The following STON1 variants were observed in gnomAD, a reference collection of about 807,000 sequenced individuals.
STON1 encodes stonin-1.
STON1 carries 79 observed loss-of-function variants against 60.9 expected under a neutral mutation model. The observed-to-expected ratio is 1.30, with a 90% CI of 1.08 to 1.56. The LOEUF (loss-of-function observed/expected upper bound fraction) is 1.56, where lower values mean the gene tolerates loss of function less well. STON1 is among the 40% of genes most tolerant of loss of function. The pLI is 0.00. For missense variants in STON1, 1,166 were observed against 858.9 expected, an observed-to-expected ratio of 1.36 and a Z score of -4.47; for synonymous variants, 363 against 306.9, an observed-to-expected ratio of 1.18 and a Z score of -1.91.
chr2:48,557,813 A>T (rs951946220), intron 1 of STON1, among the ~76,000 whole-genome samples: 2 of 152,218 alleles, frequency 1.3e-5, no homozygotes, highest in Non-Finnish European at 2.9e-5. Context: ...CTCCCCATAG[A>T]CTTGGAGACT....
intron 1 of STON1, among the ~76,000 whole-genome samples, chr2:48,574,267 T>C (rs1045396412): frequency 6.6e-6 from 1 of 151,826 alleles, no homozygotes; most frequent in Non-Finnish European, 1.5e-5. Flanking sequence ...TCCCAGCTAC[T>C]TGGGAGGCTG....
In STON1 at chr2:48,564,650, T is replaced by C. The variant is rs13034659; in HGVS notation, c.-47-15937T>C. ...TCCTTCTCTTTCTCCTTCTCCTTCTTCTTCTTCTTTCTTATTTCTTCTTCT... is the reference window on the plus strand; with the variant it reads ...TCCTTCTCTTTCTCCTTCTCCTTCTCCTTCTTCTTTCTTATTTCTTCTTCT... On this transcript the variant is annotated intron_variant, in intron 1 of 3. Transcript: ENST00000404752. 2.9e-4 allele frequency among the ~76,000 whole-genome samples: 19 copies of C among 66,394 alleles called. 4 individuals are homozygous for C. Among genetic ancestry groups the C allele is most frequent in the East Asian group, 1.7e-3 (3 of 1,804 alleles). 43.6% of individuals were successfully genotyped at this position (66,394 alleles called of 152,430 possible). A position where few individuals can be genotyped will look rare whatever the true frequency, so the allele number is the denominator to read the frequency against.
chr2:48,590,043 C>T (rs13429116), intron 2 of STON1, among the ~76,000 whole-genome samples: 9,203 of 152,218 alleles, frequency 0.06, 711 homozygotes, highest in African/African-American at 0.18. Context: ...CTAGCCTTAA[C>T]CACTTTGCCA....
chr2:48,578,660 C>T (rs1206692279), intron 1 of STON1, among the ~76,000 whole-genome samples: 4 of 137,060 alleles, frequency 2.9e-5, no homozygotes, highest in Middle Eastern at 4.0e-3. Flanking sequence ...GCAATCTCAG[C>T]TCACTGCAAC....
At chr2:48,585,257 T>C (rs13007572) in intron 2 of STON1, among the ~76,000 whole-genome samples, 1 of 149,506 alleles carries the variant, frequency 6.7e-6, no homozygotes, top group Non-Finnish European at 1.5e-5. Context: ...TCTTTTTTTT[T>C]CTTTTTTTGG....
At chr2:48,539,733 A>T (rs939512671) in intron 1 of STON1, among the ~76,000 whole-genome samples, 5 of 152,040 alleles carry the variant, frequency 3.3e-5, no homozygotes, top group African/African-American at 1.2e-4. Flanking sequence ...TCAGCTTTCT[A>T]AAGTGCTGGG....
chr2:48,564,414 T>TTCTTCTTCC lies in STON1; in HGVS notation c.-47-16165_-47-16164insCTCTTCTTC, dbSNP rs1491087236. ...CAGTGGCAGTGGCGGTGTCTTCTTC[T>TTCTTCTTCC]TCTTCTTCTTCTTCTTCTTCTTCTT... On this transcript the variant is annotated intron_variant, in intron 1 of 3. Transcript: ENST00000404752. Among the ~76,000 whole-genome samples, 125 of 69,614 alleles carry TTCTTCTTCC rather than the reference T, an allele frequency of 1.8e-3. 1 individual carries two copies. The highest frequency in any genetic ancestry group is 2.4e-3 in the Non-Finnish European group (76 of 31,150). 45.7% of individuals were successfully genotyped at this position (69,614 alleles called of 152,430 possible).
In STON1 at chr2:48,575,779, A is replaced by G. The variant is rs1222591158; in HGVS notation, c.-47-4808A>G. On this transcript the variant is annotated intron_variant, in intron 1 of 3. Coordinates refer to ENST00000404752, the MANE Select transcript of STON1 (RefSeq NM_006873.4). ...TGTTTGTTTTTTTTTTTTTTTTGAG[A>G]TGCAGTTTTGCTCTTGTTGCCCAGG... Among the ~76,000 whole-genome samples the G allele has an allele frequency of 8.9e-4, 89 of 100,220 alleles. 3 individuals carry two copies. The East Asian group carries it at 0.028, about 31-fold the overall frequency. 65.7% of individuals were successfully genotyped at this position (100,220 alleles called of 152,430 possible). A position where few individuals can be genotyped will look rare whatever the true frequency, so the allele number is the denominator to read the frequency against.
At chr2:48,554,278 A>G (rs548510435) in intron 1 of STON1, among the ~76,000 whole-genome samples, 7 of 152,198 alleles carry the variant, frequency 4.6e-5, no homozygotes, top group South Asian at 4.1e-4. Flanking sequence ...CTGGAGGGCA[A>G]TGACACAATC....
chr2:48,569,827 G>A (rs6761796), intron 1 of STON1, among the ~76,000 whole-genome samples: 94,664 of 152,060 alleles, frequency 0.62, 29,854 homozygotes, highest in Non-Finnish European at 0.65. Flanking sequence ...GGATTTTGGA[G>A]TATTTGCATC....
At chr2:48,534,659 C>G (rs1472915168) in intron 1 of STON1, among the ~76,000 whole-genome samples, 1 of 152,038 alleles carries the variant, frequency 6.6e-6, no homozygotes, top group Non-Finnish European at 1.5e-5. Context: ...TTGCACATGC[C>G]TGAGTCCCAA....
intron 1 of STON1, among the ~76,000 whole-genome samples, chr2:48,543,292 G>A (rs370217638): frequency 4.0e-5 from 6 of 151,848 alleles, no homozygotes; most frequent in African/African-American, 1.2e-4. Context: ...GATATTTTTG[G>A]TAATCAATTT....
chr2:48,537,060 AC>A (rs1671459977), intron 1 of STON1, among the ~76,000 whole-genome samples: 1 of 152,202 alleles, frequency 6.6e-6, no homozygotes, highest in South Asian at 2.1e-4. Flanking sequence ...CAATCATAAA[AC>A]AACGATAATT....
intron 1 of STON1, among the ~76,000 whole-genome samples, chr2:48,553,888 C>T (rs1363125240): frequency 6.6e-6 from 1 of 152,210 alleles, no homozygotes; most frequent in Non-Finnish European, 1.5e-5. Context: ...CTTACAAAGG[C>T]AGAGAGAAGC....
chr2:48,541,098 C>G (rs1029402325), intron 1 of STON1, among the ~76,000 whole-genome samples: 5 of 152,120 alleles, frequency 3.3e-5, no homozygotes, highest in African/African-American at 1.2e-4. Context: ...GCCTGTAATC[C>G]CAGAACTTTG....
At chr2:48,577,381 G>A (rs1399921413) in intron 1 of STON1, among the ~76,000 whole-genome samples, 1 of 151,892 alleles carries the variant, frequency 6.6e-6, no homozygotes, top group Non-Finnish European at 1.5e-5. Context: ...GGGAGTTTGA[G>A]ACCAGCCTGA....
rs769147292 is a variant in STON1, at chr2:48,581,427, AC to A, written c.795del (p.His265GlnfsTer16). ...GAAAATGCCTCTTCCTTTGTCCCCC[AC>A]ACACTCTTCAGGAGTCAGCCAAAAT... ...AEENASSFVP[H>X]TLFRSQPKSG... On this transcript the variant is annotated frameshift_variant, in exon 2 of 4. Coordinates refer to ENST00000404752, the MANE Select transcript of STON1 (RefSeq NM_006873.4). LOFTEE classifies it high-confidence loss of function. 6 of 1,613,764 alleles carry A rather than the reference AC, an allele frequency of 3.7e-6. No homozygotes were observed. Among genetic ancestry groups the A allele is most frequent in the Non-Finnish European group, 5.1e-6 (6 of 1,179,688 alleles).
chr2:48,556,197 G>A lies in STON1; in HGVS notation c.-47-24390G>A, dbSNP rs1300301510. On this transcript the variant is annotated intron_variant, in intron 1 of 3. Coordinates refer to ENST00000404752, the MANE Select transcript of STON1 (RefSeq NM_006873.4). ...ACCCCCCCACCTCCCTCCTGGACGG[G>A]GCGGCTGGCCAGGCGGGGGGCTGAC... Among the ~76,000 whole-genome samples the A allele has an allele frequency of 5.2e-4, 17 of 32,742 alleles. 2 individuals are homozygous for A. Among genetic ancestry groups the A allele is most frequent in the African/African-American group, 1.6e-3 (15 of 9,578 alleles). The allele number at this position is 32,742 out of a possible 152,430, so 21.5% of individuals were successfully genotyped here.
At chr2:48,572,360 C>T (rs924207770) in intron 1 of STON1, among the ~76,000 whole-genome samples, 2 of 152,128 alleles carry the variant, frequency 1.3e-5, no homozygotes, top group African/African-American at 4.8e-5. Flanking sequence ...TGAATAAACT[C>T]ACATCACATT....
Sources: gnomAD v4.1 joint callset for allele counts (sites outside exome capture counted in the v4.1 genomes callset) on GRCh38, gnomAD v4.1.1 for gene constraint, MANE v1.5 for transcripts, NCBI Gene and HGNC (gene_info 2026-07-23, HGNC 2026-07-21) for gene names.